STK4: variants seen among roughly 807,000 people sequenced by gnomAD.
STK4 encodes serine/threonine kinase 4.
STK4 carries 30 observed loss-of-function variants against 64.9 expected under a neutral mutation model. The observed-to-expected ratio is 0.46, with a 90% CI of 0.35 to 0.63. The LOEUF is 0.63. STK4 is among the 20% of genes least tolerant of loss of function. The pLI is 0.01. For synonymous variants in STK4, 177 were observed against 199.0 expected, an observed-to-expected ratio of 0.89 and a Z score of 0.93; for missense variants, 466 against 598.5, an observed-to-expected ratio of 0.78 and a Z score of 2.31.
At chr20:45,045,914 C>T (rs1169856618) in intron 10 of STK4, among the ~76,000 whole-genome samples, 1 of 151,990 alleles carries the variant, frequency 6.6e-6, no homozygotes, top group East Asian at 1.9e-4. Context: ...TCAAATGATT[C>T]TCCTGCCTCA....
intron 10 of STK4, among the ~76,000 whole-genome samples, chr20:45,026,246 G>A (rs1371196656): frequency 6.7e-6 from 1 of 149,060 alleles, no homozygotes; most frequent in African/African-American, 2.5e-5. Context: ...AGGAAAATAA[G>A]TATTTAGTGT....
intron 9 of STK4, among the ~76,000 whole-genome samples, chr20:45,016,348 C>G (rs1477321669): frequency 6.6e-6 from 1 of 151,956 alleles, no homozygotes; most frequent in Non-Finnish European, 1.5e-5. Flanking sequence ...TTTTTCCACC[C>G]CCGAAAGATA....
Position 45,063,089 on chromosome 20 carries a change from G to A in STK4, c.1306-11929G>A, listed in dbSNP as rs187730416. On this transcript the variant is annotated intron_variant, in intron 10 of 10. Transcript: ENST00000372806. The stretch of plus-strand genomic sequence containing the variant: ...TGTGATCATGGCTCACTGCAGCCTC[G>A]ACCTCCTGGGCTCAGTTGATCCACC... 6.8e-5 allele frequency among the ~76,000 whole-genome samples: 9 copies of A among 132,650 alleles called. No homozygotes were observed. The East Asian group carries it at 1.4e-3, about 21-fold the overall frequency. 87.0% of individuals were successfully genotyped at this position (132,650 alleles called of 152,430 possible). A position where few individuals can be genotyped will look rare whatever the true frequency, so the allele number is the denominator to read the frequency against.
At chr20:44,994,821 T>C (rs2067697131) in intron 5 of STK4, among the ~76,000 whole-genome samples, 1 of 152,176 alleles carries the variant, frequency 6.6e-6, no homozygotes, top group Non-Finnish European at 1.5e-5. Context: ...TTTAAAATTT[T>C]TTGTCAGTCA....
At chr20:45,033,522 G>T (rs1056091061) in intron 10 of STK4, among the ~76,000 whole-genome samples, 4 of 152,042 alleles carry the variant, frequency 2.6e-5, no homozygotes, top group Non-Finnish European at 5.9e-5. Flanking sequence ...ATCATTTATT[G>T]AATAAGGAGT....
intron 10 of STK4, among the ~76,000 whole-genome samples, chr20:45,058,365 C>T (rs1252208913): frequency 6.6e-6 from 1 of 152,148 alleles, no homozygotes; most frequent in African/African-American, 2.4e-5. Context: ...TATGTACTTG[C>T]AATCTTTTCC....
rs2067258072 is a variant in STK4, at chr20:44,972,091, T to C, written c.49T>C (p.Leu17=). The stretch of plus-strand genomic sequence containing the variant: ...CTTTATTCACAGGCAGCTGAAAAAG[T>C]TGGATGAAGATAGTTTAACCAAACA... ...RNPPRRQLKK[L]DEDSLTKQPE... Residue 17 remains leucine (L), a synonymous_variant, in exon 2 of 11, where the codon TTG becomes CTG. Transcript: ENST00000372806. 1 of 1,613,866 alleles carries C rather than the reference T, an allele frequency of 6.2e-7. No individual in the cohort carries two copies. The highest frequency in any genetic ancestry group is 1.7e-5 in the Admixed American group (1 of 59,986).
intron 9 of STK4, among the ~76,000 whole-genome samples, chr20:45,009,108 C>T (rs1765084892): frequency 6.6e-6 from 1 of 152,124 alleles, no homozygotes; most frequent in South Asian, 2.1e-4. Flanking sequence ...AAACTTTCTG[C>T]CAAGGCCAAT....
chr20:44,974,941 G>A (rs2067313203), intron 2 of STK4: 1 of 152,212 alleles, frequency 6.6e-6, no homozygotes. Context: ...CTCCAGACCA[G>A]GATGAGTGGA....
At chr20:45,036,167 G>A (rs909391235) in intron 10 of STK4, among the ~76,000 whole-genome samples, 2 of 152,184 alleles carry the variant, frequency 1.3e-5, no homozygotes, top group Admixed American at 6.6e-5. Context: ...GCTCGATTGA[G>A]CCATTTCACA....
chr20:44,991,402 T>C (rs542825064), intron 5 of STK4, among the ~76,000 whole-genome samples: 2 of 152,224 alleles, frequency 1.3e-5, no homozygotes, highest in Admixed American at 1.3e-4. Flanking sequence ...TCAGAAAATA[T>C]GTGAATGTAT....
At chr20:45,062,843 A>ATTT (rs35335969) in intron 10 of STK4, among the ~76,000 whole-genome samples, 7 of 106,346 alleles carry the variant, frequency 6.6e-5, no homozygotes, top group Non-Finnish European at 9.7e-5. Context: ...ACGCCCGGCT[A>ATTT]TTTTTTTTTT....
At chr20:44,983,162 G>T (rs1195977213) in intron 4 of STK4, among the ~76,000 whole-genome samples, 1 of 152,230 alleles carries the variant, frequency 6.6e-6, no homozygotes, top group African/African-American at 2.4e-5. Context: ...AGAAGCTGTA[G>T]GAGATGAGGT....
chr20:44,990,076 A>G (rs1475558269), intron 5 of STK4, among the ~76,000 whole-genome samples: 1 of 152,216 alleles, frequency 6.6e-6, no homozygotes, highest in African/African-American at 2.4e-5. Flanking sequence ...CAATTTCTGC[A>G]GAAAAGGCCG....
At chr20:44,993,571 G>T (rs2073054521) in intron 5 of STK4, among the ~76,000 whole-genome samples, 2 of 152,220 alleles carry the variant, frequency 1.3e-5, no homozygotes, top group African/African-American at 2.4e-5. Context: ...CAATGAGATT[G>T]ATTTAAATGA....
At chr20:45,050,604 A>C (rs1183177659) in intron 10 of STK4, among the ~76,000 whole-genome samples, 1 of 152,074 alleles carries the variant, frequency 6.6e-6, no homozygotes, top group East Asian at 1.9e-4. Flanking sequence ...TGAATTTTCC[A>C]TGGAATTCTT....
chr20:44,979,858 G>A (rs938023199), intron 3 of STK4, among the ~76,000 whole-genome samples: 3 of 151,608 alleles, frequency 2.0e-5, no homozygotes, highest in Non-Finnish European at 4.4e-5. Flanking sequence ...GAAGGTGGCA[G>A]TTTTCCATTT....
rs138417916 is a variant in STK4, at chr20:45,005,470, C to A, written c.1147+4117C>A. Among the ~76,000 whole-genome samples, 204 of 151,768 alleles carry A rather than the reference C, an allele frequency of 1.3e-3. 1 individual carries two copies. The highest frequency in any genetic ancestry group is 4.8e-3 in the African/African-American group (199 of 41,388). On this transcript the variant is annotated intron_variant, in intron 9 of 10. Coordinates refer to ENST00000372806, the MANE Select transcript of STK4 (RefSeq NM_006282.5). ...ACCATCCTGGCTAACATGGTGAAAC[C>A]CCGTCTCTACTAAACAAAATACAAA...
At chr20:44,970,889 T>C (rs993570755) in intron 1 of STK4, among the ~76,000 whole-genome samples, 1 of 148,052 alleles carries the variant, frequency 6.8e-6, no homozygotes, top group Non-Finnish European at 1.5e-5. Flanking sequence ...AGGTACACAT[T>C]TGTGTGTGTG....
Sources: allele counts gnomAD v4.1 joint callset (sites outside exome capture counted in the v4.1 genomes callset), GRCh38; gene constraint gnomAD v4.1.1; transcripts MANE v1.5; gene names NCBI Gene and HGNC (gene_info 2026-07-23, HGNC 2026-07-21).